DIP2C: variants seen among roughly 807,000 people sequenced by gnomAD.
DIP2C encodes DIP2 acetate--CoA ligase C (putative).
A neutral mutation model predicts 192.4 loss-of-function variants in DIP2C; 33 were observed. The observed-to-expected ratio is 0.17, with a 90% CI of 0.13 to 0.23. The LOEUF (loss-of-function observed/expected upper bound fraction) is 0.23, where lower values mean the gene tolerates loss of function less well. Ranked by LOEUF, DIP2C falls within the 10% of genes least tolerant of loss-of-function variation. The pLI is 1.00. For synonymous variants in DIP2C, 979 were observed against 864.1 expected (o/e 1.13, Z -2.33); for missense variants, 1,537 against 2,110.1 (o/e 0.73, Z 5.32).
chr10:502,274 A>G (rs1845289778), intron 1 of DIP2C, among the ~76,000 whole-genome samples: 1 of 152,238 alleles, frequency 6.6e-6, no homozygotes, highest in Non-Finnish European at 1.5e-5. Context: ...ACAGGAACTA[A>G]ACCTACATGA....
intron 32 of DIP2C, among the ~76,000 whole-genome samples, chr10:290,338 T>C (rs1955425678): frequency 6.6e-6 from 1 of 152,214 alleles, no homozygotes; most frequent in Non-Finnish European, 1.5e-5. Flanking sequence ...TAACACAGAA[T>C]TGCAAGAAAC....
chr10:463,863 T>C (rs1969988857), intron 3 of DIP2C, among the ~76,000 whole-genome samples: 1 of 152,164 alleles, frequency 6.6e-6, no homozygotes, highest in African/African-American at 2.4e-5. Flanking sequence ...ATCTGATCTT[T>C]GACAAACCTG....
intron 30 of DIP2C, 101 bp from the exon 31 acceptor site, chr10:327,277 T>C: frequency 7.3e-7 from 1 of 1,372,140 alleles, no homozygotes; most frequent in Non-Finnish European, 9.7e-7. Flanking sequence ...ATTGGAAAAC[T>C]CAACACAGCT....
chr10:481,798 G>A (rs1319804705), intron 2 of DIP2C, among the ~76,000 whole-genome samples: 1 of 152,174 alleles, frequency 6.6e-6, no homozygotes, highest in African/African-American at 2.4e-5. Flanking sequence ...GGTAGGGACG[G>A]TCACTCAGTG....
At chr10:415,732 G>A in intron 7 of DIP2C, 37 bp downstream of exon 7, 1 of 1,610,950 alleles carries the variant, frequency 6.2e-7, no homozygotes, top group Non-Finnish European at 8.5e-7. Context: ...GACCATAGGA[G>A]CATCTGGAAG....
chr10:399,356 T>C, intron 9 of DIP2C, 137 bp from the exon 10 acceptor site: 1 of 638,740 alleles, frequency 1.6e-6, no homozygotes, highest in African/African-American at 1.8e-5. Flanking sequence ...TTCAGTAAGC[T>C]GTGTTTTAAT....
chr10:662,972 C>T, intron 1 of DIP2C: 1 of 716,632 alleles, frequency 1.4e-6, no homozygotes, highest in Non-Finnish European at 2.6e-6. Flanking sequence ...ACAGAACATG[C>T]TGATTGGTTT....
At chr10:385,150 G>C in intron 14 of DIP2C, among the ~76,000 whole-genome samples, 1 of 150,430 alleles carries the variant, frequency 6.6e-6, no homozygotes, top group East Asian at 2.0e-4. Context: ...AGGCTGCACG[G>C]GACCCGAGGA....
intron 1 of DIP2C, among the ~76,000 whole-genome samples, chr10:595,498 GGATT>G (rs1452629495): frequency 1.8e-4 from 27 of 152,214 alleles, no homozygotes; most frequent in African/African-American, 6.5e-4. Context: ...TTCTCACTCA[GGATT>G]TGAGACACTG....
chr10:437,752 T>C (rs1422073701), intron 4 of DIP2C: 2 of 152,232 alleles, frequency 1.3e-5, no homozygotes, highest in Admixed American at 6.5e-5. Context: ...GTTTCACCCA[T>C]GGAATATTAG....
chr10:446,186 T>C (rs1968187573), intron 3 of DIP2C, among the ~76,000 whole-genome samples: 1 of 150,500 alleles, frequency 6.6e-6, no homozygotes, highest in South Asian at 2.1e-4. Context: ...GCAAAGAGTC[T>C]ATCTTGCACT....
chr10:308,926 C>T (rs1441844383), intron 32 of DIP2C, among the ~76,000 whole-genome samples: 1 of 152,232 alleles, frequency 6.6e-6, no homozygotes, highest in East Asian at 1.9e-4. Context: ...GGTCTCCCCC[C>T]ACCAGATGCC....
In DIP2C at chr10:678,895, C is replaced by A. The variant is rs112978717; in HGVS notation, c.85+10599G>T. On this transcript the variant is annotated intron_variant, in intron 1 of 36. Transcript: ENST00000280886. ...CATGCTCCCCGCACCCATCCTCCCC[C>A]CACCCATGCTCCCCGCGCCCATGCT... 8.6e-3 allele frequency among the ~76,000 whole-genome samples: 23 copies of A among 2,672 alleles called. 6 individuals are homozygous for A. The highest frequency in any genetic ancestry group is 0.048 in the Non-Finnish European group (12 of 250). The allele number at this position is 2,672 out of a possible 152,430, so 1.8% of individuals were successfully genotyped here. A position where few individuals can be genotyped will look rare whatever the true frequency, so the allele number is the denominator to read the frequency against.
rs1307682479 is a variant in DIP2C, at chr10:677,336, T to C, written c.85+12158A>G. On this transcript the variant is annotated intron_variant, in intron 1 of 36. Transcript: ENST00000280886. The stretch of plus-strand genomic sequence containing the variant: ...AACCCCAGCACAATTGAAGCCTTTA[T>C]TTCTCTGGTTTGGAATAGGTGTGTG... 2.6e-5 allele frequency among the ~76,000 whole-genome samples: 4 copies of C among 152,214 alleles called. No individual in the cohort carries two copies. The East Asian group carries it at 7.7e-4, about 29-fold the overall frequency.
At chr10:620,270 C>T (rs1275326440) in intron 1 of DIP2C, among the ~76,000 whole-genome samples, 2 of 152,120 alleles carry the variant, frequency 1.3e-5, no homozygotes, top group African/African-American at 4.8e-5. Context: ...TGCAGTGATA[C>T]TTCAAGCTAC....
At chr10:427,407 G>C (rs1052639764) in intron 4 of DIP2C, among the ~76,000 whole-genome samples, 1 of 152,124 alleles carries the variant, frequency 6.6e-6, no homozygotes, top group Admixed American at 6.5e-5. Flanking sequence ...AAGGTAACAG[G>C]TTCAAAAGCT....
At chr10:664,275 G>C (rs1856955396) in intron 1 of DIP2C, 1 of 152,226 alleles carries the variant, frequency 6.6e-6, no homozygotes, top group Non-Finnish European at 1.5e-5. Flanking sequence ...ACGTTCACAA[G>C]ACACAACACG....
chr10:327,541 A>G (rs1957329109), intron 30 of DIP2C, among the ~76,000 whole-genome samples: 1 of 152,202 alleles, frequency 6.6e-6, no homozygotes. Flanking sequence ...ATGTACCAGA[A>G]CACACACTGG....
Position 399,243 on chromosome 10 carries a change from C to T in DIP2C, c.1150-24G>A, listed in dbSNP as rs375803713. ...ACCTGTGGGACAGGCCAGAGCGGGTCAGCATTAACGTGGGGTCCTGGCTTC... is the reference window on the plus strand; with the variant it reads ...ACCTGTGGGACAGGCCAGAGCGGGTTAGCATTAACGTGGGGTCCTGGCTTC... On this transcript the variant is annotated intron_variant, in intron 9 of 36. Transcript: ENST00000280886. 7 of 1,605,944 alleles carry T rather than the reference C, an allele frequency of 4.4e-6. No individual in the cohort carries two copies. The African/African-American group carries it at 8.0e-5, about 18-fold the overall frequency.
Sources: allele counts gnomAD v4.1 joint callset (sites outside exome capture counted in the v4.1 genomes callset), GRCh38; gene constraint gnomAD v4.1.1; transcripts MANE v1.5; gene names NCBI Gene and HGNC (gene_info 2026-07-23, HGNC 2026-07-21).